EMILIN2: variants seen among roughly 807,000 people sequenced by gnomAD.
EMILIN2 encodes the protein elastin microfibril interfacer 2.
Under a neutral mutation model 87.1 loss-of-function variants are expected in EMILIN2, and 71 were observed. The ratio of observed to expected loss-of-function variants is 0.82; its 90% confidence interval spans 0.67 to 0.99. The LOEUF is 0.99. Among genes scored for constraint, EMILIN2 ranks in the 50% least tolerant of loss-of-function variants. EMILIN2 has a pLI of 0.00. For missense variants in EMILIN2, 1,407 were observed against 1,371.8 expected, an observed-to-expected ratio of 1.03 and a Z score of -0.40; for synonymous variants, 581 against 563.4, an observed-to-expected ratio of 1.03 and a Z score of -0.44.
rs188925637 is a variant in EMILIN2 at position 2,882,904 on chromosome 18, C to A, written c.258-2060C>A. Among the ~76,000 whole-genome samples, 376 of 151,426 alleles carry A rather than the reference C, an allele frequency of 2.5e-3. 1 individual carries two copies. Among genetic ancestry groups the A allele is most frequent in the Middle Eastern group, 0.014 (4 of 294 alleles). On this transcript the variant is annotated intron_variant, in intron 2 of 7. Transcript: ENST00000254528. ...ATCTCAAAAAAAAAAAAATATGACC[C>A]AGGCATGGTGCCTGTAATCTCAGCA...
intron 3 of EMILIN2, among the ~76,000 whole-genome samples, chr18:2,889,692 CTTTT>C (rs34248672): frequency 1.0e-5 from 1 of 96,666 alleles, no homozygotes; most frequent in African/African-American, 4.1e-5. Context: ...TTTTTCTTTT[CTTTT>C]TTTTTTTTTT....
chr18:2,906,881 C>A lies in EMILIN2; in HGVS notation c.2458C>A (p.Pro820Thr). 1 of 1,392,750 alleles carries A rather than the reference C, an allele frequency of 7.2e-7. No individual in the cohort carries two copies. Among genetic ancestry groups the A allele is most frequent in the Non-Finnish European group, 9.3e-7 (1 of 1,071,674 alleles). The allele number at this position is 1,392,750 out of a possible 1,614,324, so 86.3% of individuals were successfully genotyped here. Residue 820 changes from proline to threonine, a missense_variant, in exon 5 of 8, where the codon CCT becomes ACT. Physicochemically the swap from Pro to Thr is conservative, Grantham distance 38 (BLOSUM62 -1). Coordinates refer to ENST00000254528, the MANE Select transcript of EMILIN2 (RefSeq NM_032048.3). The stretch of plus-strand genomic sequence containing the variant: ...CAGCGGCCCCGCAACCGCAGAGGAC[C>A]CTGGGCGACGGCCCGTCCTGCCCCA... The part of the protein sequence containing the change: ...RPSGPATAED[P>T]GRRPVLPQRP...
Position 2,891,514 on chromosome 18 carries a change from A to G in EMILIN2, c.1387A>G (p.Asn463Asp). 1 of 1,614,214 alleles carries G rather than the reference A, an allele frequency of 6.2e-7. No homozygotes were observed. Among genetic ancestry groups the G allele is most frequent in the Non-Finnish European group, 8.5e-7 (1 of 1,180,046 alleles). ...LDARINVTEK[N>D]AEEHCFYIEE... is the part of the protein sequence containing the mutation. ...TGCAAGGATCAATGTGACGGAGAAG[A>G]ACGCTGAAGAACATTGCTTTTACAT... Residue 463 changes from asparagine to aspartate, a missense_variant, in exon 4 of 8, where the codon AAC becomes GAC. Physicochemically the swap from Asn to Asp is conservative, Grantham distance 23. Coordinates refer to ENST00000254528, the MANE Select transcript of EMILIN2 (RefSeq NM_032048.3). This position sits in a 1 kb window ranked among gnomAD's most constrained non-coding sequence, Gnocchi z 4.6.
rs550144849 is a variant in EMILIN2 at position 2,894,245 on chromosome 18, T to TG, written c.2359+1761dup. The stretch of plus-strand genomic sequence containing the variant: ...GCCAGGTCCTGGCAGCTCAGGAGGG[T>TG]GGAGAGGGTCCGAGGTAGGTGGGAA... On this transcript the variant is annotated intron_variant, in intron 4 of 7. Transcript: ENST00000254528. The surrounding 1 kb of genome is among the most constrained non-coding windows in gnomAD (Gnocchi z 5.0). Among the ~76,000 whole-genome samples, 1 of 151,830 alleles carries TG rather than the reference T, an allele frequency of 6.6e-6. No individual in the cohort carries two copies. Among genetic ancestry groups the TG allele is most frequent in the South Asian group, 2.1e-4 (1 of 4,808 alleles).
rs778523940 is a variant in EMILIN2 at position 2,909,671 on chromosome 18, C to T, written c.2696-20C>T. On this transcript the variant is annotated intron_variant, in intron 6 of 7. Coordinates refer to ENST00000254528, the MANE Select transcript of EMILIN2 (RefSeq NM_032048.3). ...ACAGAAGCACCCGGGTCAATCCATT[C>T]CATCCTTTCTCTGCTCCAGGAGCTC... 2 of 1,613,118 alleles carry T rather than the reference C, an allele frequency of 1.2e-6. No homozygotes were observed. Among genetic ancestry groups the T allele is most frequent in the South Asian group, 2.2e-5 (2 of 91,022 alleles).
intron 5 of EMILIN2, among the ~76,000 whole-genome samples, chr18:2,908,426 T>C (rs1402330219): frequency 6.6e-6 from 1 of 152,168 alleles, no homozygotes; most frequent in Non-Finnish European, 1.5e-5. Context: ...CACATATCTG[T>C]CCACCCACCT....
rs1020040527 is a variant in EMILIN2, at chr18:2,847,384, C to G, written c.134+62C>G. 9 of 1,250,238 alleles carry G rather than the reference C, an allele frequency of 7.2e-6. No individual in the cohort carries two copies. The South Asian group carries it at 2.1e-4, about 29-fold the overall frequency. 77.4% of individuals were successfully genotyped at this position (1,250,238 alleles called of 1,614,324 possible). A position where few individuals can be genotyped will look rare whatever the true frequency, so the allele number is the denominator to read the frequency against. On this transcript the variant is annotated intron_variant, in intron 1 of 7. Coordinates refer to ENST00000254528, the MANE Select transcript of EMILIN2 (RefSeq NM_032048.3). The surrounding 1 kb of genome is among the most constrained non-coding windows in gnomAD (Gnocchi z 4.5). Reference sequence around the variant, plus strand: ...ACCCCTCCCCGGCCCCCAGTTGAGCCCCAGAGCTGCCCTGCCAAAGACGAC... The same window carrying G: ...ACCCCTCCCCGGCCCCCAGTTGAGCGCCAGAGCTGCCCTGCCAAAGACGAC...
intron 4 of EMILIN2, among the ~76,000 whole-genome samples, chr18:2,896,034 T>C (rs182796021): frequency 1.3e-5 from 2 of 152,248 alleles, no homozygotes; most frequent in Non-Finnish European, 2.9e-5. Flanking sequence ...TGAGGCTGAA[T>C]TATCCAAGAA....
chr18:2,875,561 C>T (rs2144005139), intron 2 of EMILIN2, among the ~76,000 whole-genome samples: 1 of 152,310 alleles, frequency 6.6e-6, no homozygotes. Flanking sequence ...TCAGCCATGC[C>T]AGTTAGCTAA....
intron 2 of EMILIN2, among the ~76,000 whole-genome samples, chr18:2,881,672 G>A (rs1175180388): frequency 2.0e-5 from 3 of 152,202 alleles, no homozygotes; most frequent in East Asian, 1.9e-4. Flanking sequence ...GGCCTGGGCC[G>A]TCATCTCCTG....
intron 2 of EMILIN2, among the ~76,000 whole-genome samples, chr18:2,870,086 C>T (rs1050156077): frequency 2.6e-5 from 4 of 151,846 alleles, no homozygotes; most frequent in African/African-American, 7.3e-5. Context: ...ACCAAAAATA[C>T]AAAAATTAGC....
At chr18:2,908,209 C>T (rs2076923819) in intron 5 of EMILIN2, among the ~76,000 whole-genome samples, 2 of 152,182 alleles carry the variant, frequency 1.3e-5, no homozygotes, top group Admixed American at 6.5e-5. Context: ...TATTTGTTCC[C>T]TCATTTGTCC....
At chr18:2,879,036 G>T (rs1198920214) in intron 2 of EMILIN2, among the ~76,000 whole-genome samples, 2 of 152,190 alleles carry the variant, frequency 1.3e-5, no homozygotes, top group African/African-American at 4.8e-5. Flanking sequence ...AGCAGCTGGC[G>T]AGATGGTCCC....
chr18:2,871,549 G>A (rs1368102880), intron 2 of EMILIN2, among the ~76,000 whole-genome samples: 1 of 152,220 alleles, frequency 6.6e-6, no homozygotes, highest in African/African-American at 2.4e-5. Context: ...GTGAGCATTG[G>A]GCCTGGGACC....
At chr18:2,909,845 T>C (rs766920210) in intron 7 of EMILIN2, 26 bp downstream of exon 7, 5 of 1,608,078 alleles carry the variant, frequency 3.1e-6, no homozygotes, top group South Asian at 1.1e-5. Context: ...GAACTGGTAC[T>C]GTGTCCTCCT....
chr18:2,861,886 G>C (rs2076662792), intron 2 of EMILIN2, among the ~76,000 whole-genome samples: 1 of 152,160 alleles, frequency 6.6e-6, no homozygotes, highest in Admixed American at 6.5e-5. Flanking sequence ...TCTTCCATTT[G>C]TTTGTATCCT....
chr18:2,885,739 A>G (rs998264944), intron 3 of EMILIN2, among the ~76,000 whole-genome samples: 1 of 152,092 alleles, frequency 6.6e-6, no homozygotes, highest in Non-Finnish European at 1.5e-5. Flanking sequence ...GCTGGTCTCC[A>G]ACTCCTGACC....
At position 2,890,823 on chromosome 18, in the gene EMILIN2, C is replaced by T. The variant is rs1434565349; in HGVS notation, c.696C>T (p.His232=). Residue 232 remains histidine, a synonymous_variant, in exon 4 of 8, where the codon CAC becomes CAT. Transcript: ENST00000254528. The surrounding 1 kb of genome is among the most constrained non-coding windows in gnomAD (Gnocchi z 4.7). ...GGGCACCAGGGCTCAGCAGCCAGCA[C>T]CCCAAGCCTGACACCACTGTTAGTG... ...RTRAPGLSSQ[H]PKPDTTVSGD... 1 of 1,613,836 alleles carries T rather than the reference C, an allele frequency of 6.2e-7. No homozygotes were observed. The highest frequency in any genetic ancestry group is 2.2e-5 in the East Asian group (1 of 44,882).
Position 2,906,888 on chromosome 18 carries a change from GACGGCCCGTCCTGCCCCA to G in EMILIN2, c.2466_2483del (p.Val825_Pro830del). The G allele has an allele frequency of 7.2e-7, 1 of 1,392,440 alleles. No individual in the cohort carries two copies. Among genetic ancestry groups the G allele is most frequent in the Non-Finnish European group, 9.3e-7 (1 of 1,071,442 alleles). 86.3% of individuals were successfully genotyped at this position (1,392,440 alleles called of 1,614,324 possible). A position where few individuals can be genotyped will look rare whatever the true frequency, so the allele number is the denominator to read the frequency against. On this transcript the variant is annotated inframe_deletion, in exon 5 of 8. Coordinates refer to ENST00000254528, the MANE Select transcript of EMILIN2 (RefSeq NM_032048.3). ...CCCGCAACCGCAGAGGACCCTGGGC[GACGGCCCGTCCTGCCCCA>G]GCGGCCCCCCGAGGAGAGGCCGCCC...
Sources: gnomAD v4.1 joint callset for allele counts (sites outside exome capture counted in the v4.1 genomes callset) on GRCh38, gnomAD v4.1.1 for gene constraint, Gnocchi (gnomAD v3.1) non-coding constraint, MANE v1.5 for transcripts, NCBI Gene and HGNC (gene_info 2026-07-23, HGNC 2026-07-21) for gene names.